The following TGFBR3 variants were observed in gnomAD, a reference collection of about 807,000 sequenced individuals.
TGFBR3 encodes transforming growth factor beta receptor type 3.
In TGFBR3, 46 loss-of-function variants were observed where a neutral mutation model predicts 87.9. The ratio of observed to expected loss-of-function variants is 0.52; its 90% CI spans 0.41 to 0.67. The LOEUF is 0.67. Ranked by LOEUF, TGFBR3 falls within the 30% of genes least tolerant of loss-of-function variation. The pLI, the probability that TGFBR3 is intolerant of heterozygous loss-of-function variation, is 0.00. For synonymous variants in TGFBR3, 381 were observed against 391.6 expected (o/e 0.97, Z 0.32); for missense variants, 866 against 1,041.9 (o/e 0.83, Z 2.32).
At chr1:91,683,919 G>T in intron 16 of TGFBR3, 62 bp from the exon 17 acceptor site, 1 of 1,429,538 alleles carries the variant, frequency 7.0e-7, no homozygotes, top group East Asian at 2.5e-5. Flanking sequence ...GTGCATTCCT[G>T]AAAAGATCAT....
intron 1 of TGFBR3, among the ~76,000 whole-genome samples, chr1:91,875,623 C>T (rs1571595063): frequency 6.6e-6 from 1 of 152,094 alleles, no homozygotes; most frequent in East Asian, 1.9e-4. Flanking sequence ...CACTGTGGCT[C>T]ACGTCTATAT....
At chr1:91,837,248 ATTTAAT>A (rs1677098420) in intron 2 of TGFBR3, among the ~76,000 whole-genome samples, 1 of 139,250 alleles carries the variant, frequency 7.2e-6, no homozygotes, top group Non-Finnish European at 1.6e-5. Flanking sequence ...TTATTTATTT[ATTTAAT>A]TTTCCAAGAT....
At chr1:91,698,275 T>A in intron 14 of TGFBR3, 145 bp from the exon 15 acceptor site, 1 of 749,086 alleles carries the variant, frequency 1.3e-6, no homozygotes, top group Non-Finnish European at 2.3e-6. Context: ...TCTTTAGATA[T>A]CAAAACTATA....
intron 3 of TGFBR3, among the ~76,000 whole-genome samples, chr1:91,766,168 T>C (rs1018764006): frequency 3.3e-5 from 5 of 149,774 alleles, no homozygotes; most frequent in African/African-American, 1.2e-4. Flanking sequence ...GCCACAGGCA[T>C]AAACCACCAT....
In TGFBR3 at chr1:91,683,824, G is replaced by A; in HGVS notation, c.2471C>T (p.Ser824Phe). Residue 824 changes from serine to phenylalanine, a missense_variant, in exon 17 of 17, where the codon TCC becomes TTC. Transcript: ENST00000212355. Reference sequence around the variant, plus strand: ...ACTGCTGTTTTCCGAGGCTGGCGGGGAGGTGGGGACTTGCTGCCTTCCTGC... The same window carrying A: ...ACTGCTGTTTTCCGAGGCTGGCGGGAAGGTGGGGACTTGCTGCCTTCCTGC... Reference protein sequence around the residue: ...ETAGRQQVPTSPPASENSSAA... With the variant: ...ETAGRQQVPTFPPASENSSAA... The A allele has an allele frequency of 1.2e-6, 2 of 1,607,558 alleles. No homozygotes were observed. Among genetic ancestry groups the A allele is most frequent in the Non-Finnish European group, 1.7e-6 (2 of 1,177,312 alleles).
At chr1:91,769,630 GTTTTTGTTT>G (rs983941317) in intron 3 of TGFBR3, among the ~76,000 whole-genome samples, 3 of 151,714 alleles carry the variant, frequency 2.0e-5, no homozygotes, top group Non-Finnish European at 2.9e-5. Flanking sequence ...AGGGAGCTGT[GTTTTTGTTT>G]TTTTTGTTTT....
chr1:91,884,857 G>A (rs1172710624), intron 1 of TGFBR3, among the ~76,000 whole-genome samples: 1 of 152,212 alleles, frequency 6.6e-6, no homozygotes, highest in African/African-American at 2.4e-5. Flanking sequence ...ACTACCTGTG[G>A]AGACTTCTCC....
chr1:91,708,047 C>T (rs1429922579), intron 14 of TGFBR3, among the ~76,000 whole-genome samples: 1 of 152,232 alleles, frequency 6.6e-6, no homozygotes, highest in Admixed American at 6.5e-5. Flanking sequence ...CCCCTTAGGG[C>T]ACAGCCTTCC....
In TGFBR3 at chr1:91,882,200, G is replaced by A. The variant is rs149157716; in HGVS notation, c.-114+3678C>T. Among the ~76,000 whole-genome samples, 716 of 144,448 alleles carry A rather than the reference G, an allele frequency of 5.0e-3. 4 individuals are homozygous for A. Among genetic ancestry groups the A allele is most frequent in the African/African-American group, 0.017 (657 of 39,084 alleles). The allele number at this position is 144,448 out of a possible 152,430, so 94.8% of individuals were successfully genotyped here. On this transcript the variant is annotated intron_variant, in intron 1 of 16. Coordinates refer to ENST00000212355, the MANE Select transcript of TGFBR3 (RefSeq NM_003243.5). ...CTGCCAGGCTGGCGTGCAGTGGCAC[G>A]ATCTCAGCTCACTGAAACCTCCACC...
chr1:91,794,523 T>G (rs1486790620), intron 3 of TGFBR3, among the ~76,000 whole-genome samples: 2 of 151,826 alleles, frequency 1.3e-5, no homozygotes, highest in African/African-American at 4.8e-5. Context: ...TAAAAAAACA[T>G]GTAACGTTTA....
intron 2 of TGFBR3, among the ~76,000 whole-genome samples, chr1:91,836,116 G>A (rs1233043945): frequency 6.6e-6 from 1 of 152,036 alleles, no homozygotes; most frequent in East Asian, 1.9e-4. Context: ...GCGTGGTGGT[G>A]CATGCCTGTA....
intron 16 of TGFBR3, among the ~76,000 whole-genome samples, chr1:91,693,863 T>C (rs1214431228): frequency 6.6e-6 from 1 of 152,152 alleles, no homozygotes; most frequent in East Asian, 1.9e-4. Context: ...CATGTCGGTA[T>C]TCCTGCGACA....
rs369902739 is a variant in TGFBR3, at chr1:91,830,857, T to C, written c.61+30614A>G. ...AAAAGTGAGTGTGGAGTTGGGCCAG[T>C]GCTGCTTCTGCACCCTGTGTGCCGA... On this transcript the variant is annotated intron_variant, in intron 2 of 16. Transcript: ENST00000212355. 2.6e-5 allele frequency among the ~76,000 whole-genome samples: 4 copies of C among 152,300 alleles called. No homozygotes were observed. In the East Asian group the frequency reaches 5.8e-4, roughly 22 times the overall value.
At chr1:91,844,883 T>C (rs1437964669) in intron 2 of TGFBR3, among the ~76,000 whole-genome samples, 4 of 152,134 alleles carry the variant, frequency 2.6e-5, no homozygotes, top group Non-Finnish European at 5.9e-5. Flanking sequence ...CAGATCTGTG[T>C]TTCTATCAAC....
At chr1:91,753,118 G>A (rs2100877342) in intron 4 of TGFBR3, among the ~76,000 whole-genome samples, 1 of 152,064 alleles carries the variant, frequency 6.6e-6, no homozygotes, top group African/African-American at 2.4e-5. Flanking sequence ...CAGCACTGTG[G>A]CTCGCGCCTA....
At chr1:91,868,248 C>T (rs1309672893) in intron 1 of TGFBR3, among the ~76,000 whole-genome samples, 1 of 152,134 alleles carries the variant, frequency 6.6e-6, no homozygotes, top group Non-Finnish European at 1.5e-5. Context: ...AAATAATAGT[C>T]ATTGGTATTT....
intron 14 of TGFBR3, among the ~76,000 whole-genome samples, chr1:91,702,878 C>A (rs950823181): frequency 6.6e-6 from 1 of 152,044 alleles, no homozygotes; most frequent in Non-Finnish European, 1.5e-5. Flanking sequence ...AACCCTGTAT[C>A]TATTAAAAAT....
At chr1:91,687,740 T>A (rs995044865) in intron 16 of TGFBR3, among the ~76,000 whole-genome samples, 2 of 152,132 alleles carry the variant, frequency 1.3e-5, no homozygotes, top group Admixed American at 1.3e-4. Flanking sequence ...GGGATTTAGA[T>A]CAGATAGAAA....
chr1:91,683,954 T>C (rs1571403531), intron 16 of TGFBR3, 97 bp from the exon 17 acceptor site: 1 of 1,209,826 alleles, frequency 8.3e-7, no homozygotes, highest in East Asian at 2.6e-5. Context: ...CCATTTTAAC[T>C]GATATTTTTC....
Sources: gnomAD v4.1 joint callset for allele counts (sites outside exome capture counted in the v4.1 genomes callset) on GRCh38, gnomAD v4.1.1 for gene constraint, MANE v1.5 for transcripts, NCBI Gene and HGNC (gene_info 2026-07-23, HGNC 2026-07-21) for gene names.